The following FAM135A variants were observed in gnomAD, a reference collection of about 807,000 sequenced individuals.
FAM135A encodes family with sequence similarity 135 member A, also known as protein FAM135A.
Under a neutral mutation model 146.8 loss-of-function variants are expected in FAM135A, and 79 were observed. That is an observed-to-expected ratio of 0.54 (90% confidence interval 0.45 to 0.65). FAM135A has a LOEUF of 0.65. Ranked by LOEUF, FAM135A falls within the 30% of genes least tolerant of loss-of-function variation. The pLI, the probability that FAM135A is intolerant of heterozygous loss-of-function variation, is 0.00. For missense variants in FAM135A, 1,623 were observed against 1,758.2 expected (o/e 0.92, Z 1.38); for synonymous variants, 562 against 603.6 (o/e 0.93, Z 1.01).
chr6:70,511,227 G>A (rs1365248929), intron 12 of FAM135A, among the ~76,000 whole-genome samples: 2 of 151,856 alleles, frequency 1.3e-5, no homozygotes, highest in Non-Finnish European at 2.9e-5. Context: ...TATTCTATGA[G>A]TTGCTTTTTA....
At chr6:70,538,667 C>T (rs16869338) in intron 20 of FAM135A, among the ~76,000 whole-genome samples, 7,157 of 151,838 alleles carry the variant, frequency 0.047, 365 homozygotes, top group African/African-American at 0.12. Context: ...ACATTTGTAA[C>T]TCAGTGCCAG....
chr6:70,484,551 C>T (rs1445067934), intron 10 of FAM135A, among the ~76,000 whole-genome samples: 3 of 152,162 alleles, frequency 2.0e-5, no homozygotes, highest in Admixed American at 6.5e-5. Flanking sequence ...AATTTTTCCA[C>T]GGATTGGGGG....
intron 4 of FAM135A, among the ~76,000 whole-genome samples, chr6:70,437,112 T>G (rs912374149): frequency 6.6e-6 from 1 of 152,088 alleles, no homozygotes; most frequent in African/African-American, 2.4e-5. Flanking sequence ...TAATGAAAAG[T>G]TTTCTGCATC....
At chr6:70,430,348 A>G (rs975766890) in intron 4 of FAM135A, among the ~76,000 whole-genome samples, 23 of 150,932 alleles carry the variant, frequency 1.5e-4, no homozygotes, top group Non-Finnish European at 3.2e-4. Context: ...AAAAAAAAAC[A>G]AAAAAAGAAA....
Position 70,560,113 on chromosome 6 carries a change from A to G in FAM135A, c.*192A>G, listed in dbSNP as rs973357190. 4.0e-6 allele frequency: 2 copies of G among 498,188 alleles called. No homozygotes were observed. The highest frequency in any genetic ancestry group is 6.9e-5 in the East Asian group (2 of 28,876). 30.9% of individuals were successfully genotyped at this position (498,188 alleles called of 1,614,324 possible). On this transcript the variant is annotated 3_prime_UTR_variant, in exon 22 of 22. Transcript: ENST00000418814. ...ACTTTCTAGGTAATGTGGCTGTGCA[A>G]TATTTTTTTAATTTTATCTTTTTAC...
At chr6:70,523,658 A>G (rs1218922950) in intron 13 of FAM135A, among the ~76,000 whole-genome samples, 2 of 152,184 alleles carry the variant, frequency 1.3e-5, no homozygotes, top group Admixed American at 1.3e-4. Context: ...TTTGCAGCAG[A>G]TTTAGAAGTT....
At chr6:70,559,483 A>G (rs1801555628) in intron 21 of FAM135A, among the ~76,000 whole-genome samples, 1 of 152,100 alleles carries the variant, frequency 6.6e-6, no homozygotes, top group South Asian at 2.1e-4. Flanking sequence ...AGAATAATGT[A>G]TAATAAATTT....
At chr6:70,512,319 G>A (rs1435013833) in intron 12 of FAM135A, among the ~76,000 whole-genome samples, 7 of 151,774 alleles carry the variant, frequency 4.6e-5, no homozygotes, top group African/African-American at 1.2e-4. Context: ...AAGATGCTAC[G>A]AACATTCTTC....
At chr6:70,518,299 G>C (rs951350363) in intron 12 of FAM135A, among the ~76,000 whole-genome samples, 2 of 152,178 alleles carry the variant, frequency 1.3e-5, no homozygotes, top group Non-Finnish European at 2.9e-5. Context: ...TTCTATGAAG[G>C]CTGAAAGGTA....
rs568712082 is a variant in FAM135A at position 70,447,017 on chromosome 6, A to G, written c.78-5475A>G. ...CAGGTTGTCCATCGGGCCCTTCACA[A>G]TGCAAAATATAACCACTTTGATATG... On this transcript the variant is annotated intron_variant, in intron 4 of 21. Coordinates refer to ENST00000418814, the MANE Select transcript of FAM135A (RefSeq NM_001162529.3). Among the ~76,000 whole-genome samples, 14 of 152,358 alleles carry G rather than the reference A, an allele frequency of 9.2e-5. No homozygotes were observed. The East Asian group carries it at 1.3e-3, about 15-fold the overall frequency.
At chr6:70,436,236 G>A (rs1773122319) in intron 4 of FAM135A, among the ~76,000 whole-genome samples, 1 of 151,794 alleles carries the variant, frequency 6.6e-6, no homozygotes, top group African/African-American at 2.4e-5. Flanking sequence ...TTAAGCATTG[G>A]TGATTGGAGC....
At chr6:70,456,372 A>C (rs1342601757) in intron 5 of FAM135A, among the ~76,000 whole-genome samples, 1 of 152,258 alleles carries the variant, frequency 6.6e-6, no homozygotes, top group Non-Finnish European at 1.5e-5. Context: ...ATTTTAAATC[A>C]TTGAGTTAAT....
rs374736056 is a variant in FAM135A at position 70,480,946 on chromosome 6, A to G, written c.588A>G (p.Pro196=). 8 of 1,612,786 alleles carry G rather than the reference A, an allele frequency of 5.0e-6. No individual in the cohort carries two copies. The highest frequency in any genetic ancestry group is 6.8e-6 in the Non-Finnish European group (8 of 1,179,386). The change falls in exon 9 of 22, where the codon CCA becomes CCG. Residue 196 remains proline, a synonymous_variant. Coordinates refer to ENST00000418814, the MANE Select transcript of FAM135A (RefSeq NM_001162529.3). ...VKTTWLNRNA[P]AQNKDSVIPT... Reference sequence around the variant, plus strand: ...CAACTTGGTTAAATAGAAATGCACCAGCACAAAACAAAGATTCCGTGATTC... The same window carrying G: ...CAACTTGGTTAAATAGAAATGCACCGGCACAAAACAAAGATTCCGTGATTC...
intron 4 of FAM135A, among the ~76,000 whole-genome samples, chr6:70,431,531 ACC>A (rs1470956854): frequency 5.3e-4 from 81 of 152,144 alleles, no homozygotes; most frequent in African/African-American, 1.9e-3. Flanking sequence ...GCACTGTTAC[ACC>A]TCCACCACAA....
Position 70,477,164 on chromosome 6 carries a change from A to T in FAM135A, c.374A>T (p.Asp125Val), listed in dbSNP as rs1450755597. ...LHFTDGDYSADDLNALQLISS... is the reference protein window; with the variant it reads ...LHFTDGDYSAVDLNALQLISS... Reference sequence around the variant, plus strand: ...CTAAGTGTTCCTTTTTACAGGGCAGATGATCTGAATGCCTTGCAACTAATA... The same window carrying T: ...CTAAGTGTTCCTTTTTACAGGGCAGTTGATCTGAATGCCTTGCAACTAATA... The change falls in exon 8 of 22, where the codon GAT becomes GTT. Residue 125 changes from aspartate (D) to valine (V), a missense_variant. By Grantham distance (152) the Asp-to-Val change is radical. Around this residue, in one of 7 missense-constraint regions of FAM135A, gnomAD observed 171 missense variants for 164.9 expected, o/e 1.04. Transcript: ENST00000418814. 5.0e-6 allele frequency: 8 copies of T among 1,612,928 alleles called. No homozygotes were observed. Among genetic ancestry groups the T allele is most frequent in the Non-Finnish European group, 6.8e-6 (8 of 1,179,412 alleles).
At chr6:70,483,241 C>T (rs947696209) in intron 10 of FAM135A, among the ~76,000 whole-genome samples, 4 of 152,202 alleles carry the variant, frequency 2.6e-5, no homozygotes, top group South Asian at 2.1e-4. Context: ...ATTAAGTCCA[C>T]TATTCAGTCA....
chr6:70,453,088 G>A (rs1777491803), intron 5 of FAM135A, among the ~76,000 whole-genome samples: 1 of 152,082 alleles, frequency 6.6e-6, no homozygotes, highest in Non-Finnish European at 1.5e-5. Context: ...AGCATTAAAG[G>A]GGTTAAGTTA....
chr6:70,485,692 A>G (rs938678410), intron 10 of FAM135A, among the ~76,000 whole-genome samples: 1 of 152,232 alleles, frequency 6.6e-6, no homozygotes, highest in African/African-American at 2.4e-5. Context: ...CTCTTTTAAA[A>G]TAACGCCTTG....
rs2031132090 is a variant in FAM135A at position 70,525,092 on chromosome 6, G to A, written c.2008G>A (p.Glu670Lys). The A allele has an allele frequency of 2.5e-6, 4 of 1,571,316 alleles. No homozygotes were observed. In the South Asian group the frequency reaches 3.7e-5, roughly 14 times the overall value. The change falls in exon 15 of 22, where the codon GAG (glutamate) becomes AAG (lysine). Residue 670 changes from glutamate (E) to lysine (K), a missense_variant. Physicochemically the swap from Glu to Lys is moderately conservative, Grantham distance 56 (BLOSUM62 1). Transcript: ENST00000418814. ...CAGTAATAAAGATCCTTTCAGTGGA[G>A]AGAATATAACTGTCAAACTAGGACC... ...KPSNKDPFSG[E>K]NITVKLGPWT...
Sources: gnomAD v4.1 joint callset for allele counts (sites outside exome capture counted in the v4.1 genomes callset) on GRCh38, gnomAD v4.1.1 for gene constraint, gnomAD v4.1.1 regional missense constraint, MANE v1.5 for transcripts, NCBI Gene and HGNC (gene_info 2026-07-23, HGNC 2026-07-21) for gene names.